The following ELAVL2 variants were observed in gnomAD, a reference collection of about 807,000 sequenced individuals.
ELAVL2 encodes the protein ELAV like RNA binding protein 2.
A neutral mutation model predicts 34.6 loss-of-function variants in ELAVL2; 4 were observed. The ratio of observed to expected loss-of-function variants is 0.12; its 90% confidence interval spans 0.06 to 0.26. The LOEUF is 0.26. ELAVL2 is among the 10% of genes least tolerant of loss of function. The pLI is 1.00. For missense variants in ELAVL2, 432 were observed against 442.8 expected, an observed-to-expected ratio of 0.98 and a Z score of 0.22; for synonymous variants, 193 against 154.8, an observed-to-expected ratio of 1.25 and a Z score of -1.83.
At chr9:23,830,624 A>ACACACC (rs34847005), upstream of ELAVL2, among the ~76,000 whole-genome samples, 82 of 124,070 alleles carry the variant, frequency 6.6e-4, 1 homozygote, top group Admixed American at 2.7e-3. Context: ...ACACACACAC[A>ACACACC]CCTTTTTTTT....
At chr9:23,798,655 G>T (rs2061245163) in intron 1 of ELAVL2, among the ~76,000 whole-genome samples, 1 of 152,138 alleles carries the variant, frequency 6.6e-6, no homozygotes, top group Non-Finnish European at 1.5e-5. Flanking sequence ...TGCCTTTGTA[G>T]GGGGTGTGTG....
intron 2 of ELAVL2, among the ~76,000 whole-genome samples, chr9:23,733,154 G>A (rs1181051035): frequency 1.5e-5 from 2 of 137,174 alleles, no homozygotes; most frequent in African/African-American, 5.6e-5. Flanking sequence ...TGACTGCAAT[G>A]GAATCATCTA....
chr9:23,740,369 C>G (rs754400435), intron 2 of ELAVL2, among the ~76,000 whole-genome samples: 3 of 151,678 alleles, frequency 2.0e-5, no homozygotes, highest in Non-Finnish European at 4.4e-5. Flanking sequence ...AGTTAACTTG[C>G]TCAAGGGCAC....
At chr9:23,826,643 CG>C (rs1441276778), upstream of ELAVL2, among the ~76,000 whole-genome samples, 1 of 152,202 alleles carries the variant, frequency 6.6e-6, no homozygotes, top group Admixed American at 6.5e-5. Context: ...CGATATGGCA[CG>C]ATCTCCTTTC....
At chr9:23,790,920 G>C (rs1366515781) in intron 1 of ELAVL2, among the ~76,000 whole-genome samples, 1 of 152,124 alleles carries the variant, frequency 6.6e-6, no homozygotes, top group Non-Finnish European at 1.5e-5. Flanking sequence ...TCTAAGTACA[G>C]AGTGCCTAGA....
At chr9:23,810,086 A>G (rs1296590503) in intron 1 of ELAVL2, among the ~76,000 whole-genome samples, 1 of 152,170 alleles carries the variant, frequency 6.6e-6, no homozygotes, top group Non-Finnish European at 1.5e-5. Flanking sequence ...ATTATCTACT[A>G]CAATGAGCCA....
At chr9:23,701,349 A>T (rs1275606233) in intron 5 of ELAVL2, 30 bp downstream of exon 5, 2 of 1,607,174 alleles carry the variant, frequency 1.2e-6, no homozygotes, top group Admixed American at 1.7e-5. Context: ...TCAGTTTAGT[A>T]GCTGGGCACA....
At chr9:23,797,745 T>C (rs530737204) in intron 1 of ELAVL2, among the ~76,000 whole-genome samples, 2 of 152,048 alleles carry the variant, frequency 1.3e-5, no homozygotes, top group South Asian at 2.1e-4. Context: ...CTGACCAACA[T>C]GGAGAAAACC....
At chr9:23,717,845 A>G (rs540948200) in intron 3 of ELAVL2, among the ~76,000 whole-genome samples, 2 of 152,308 alleles carry the variant, frequency 1.3e-5, no homozygotes, top group South Asian at 2.1e-4. Flanking sequence ...AGCCCACATT[A>G]AGCACTCAAA....
At chr9:23,809,049 TA>T (rs1333921954) in intron 1 of ELAVL2, among the ~76,000 whole-genome samples, 9 of 152,164 alleles carry the variant, frequency 5.9e-5, no homozygotes, top group African/African-American at 2.2e-4. Context: ...TGATGATGAG[TA>T]AAATGCTATT....
chr9:23,711,924 ATATACCCAACAT>A (rs1274127361), intron 3 of ELAVL2, among the ~76,000 whole-genome samples: 1 of 152,186 alleles, frequency 6.6e-6, no homozygotes, highest in Non-Finnish European at 1.5e-5. Context: ...AATCTTTGTC[ATATACCCAACAT>A]TATACGCATT....
At chr9:23,844,243 C>T in the ELAVL2 span, among the ~76,000 whole-genome samples, 3 of 152,020 alleles carry the variant, frequency 2.0e-5, no homozygotes, top group Non-Finnish European at 2.9e-5. Context: ...GTTGACATCT[C>T]TATCTCTTAC....
chr9:23,791,584 G>A (rs899880690), intron 1 of ELAVL2, among the ~76,000 whole-genome samples: 1 of 152,056 alleles, frequency 6.6e-6, no homozygotes, highest in African/African-American at 2.4e-5. Flanking sequence ...GAGGTCATAA[G>A]TGTAAATAAT....
intron 1 of ELAVL2, among the ~76,000 whole-genome samples, chr9:23,790,957 G>A (rs12345845): frequency 0.014 from 2,103 of 152,288 alleles, 43 homozygotes; most frequent in African/African-American, 0.048. Context: ...GACACCAGCA[G>A]ACATTCTGTG....
intron 1 of ELAVL2, among the ~76,000 whole-genome samples, chr9:23,809,787 T>C (rs1362453717): frequency 1.3e-5 from 2 of 152,190 alleles, no homozygotes; most frequent in Non-Finnish European, 2.9e-5. Flanking sequence ...AAAGGTCATT[T>C]TGAATCTGTA....
intron 3 of ELAVL2, among the ~76,000 whole-genome samples, chr9:23,720,249 A>G (rs1587676499): frequency 6.7e-6 from 1 of 150,278 alleles, no homozygotes; most frequent in Admixed American, 6.6e-5. Flanking sequence ...CTCGGCTCAC[A>G]GCAACCTCCG....
intron 1 of ELAVL2, among the ~76,000 whole-genome samples, chr9:23,812,496 C>T (rs1411594127): frequency 6.6e-6 from 1 of 151,866 alleles, no homozygotes; most frequent in East Asian, 1.9e-4. Flanking sequence ...TATTCAATTC[C>T]CCACCCCAAC....
chr9:23,697,606 C>T (rs1023524594), intron 5 of ELAVL2, among the ~76,000 whole-genome samples: 2 of 152,058 alleles, frequency 1.3e-5, no homozygotes, highest in African/African-American at 4.8e-5. Flanking sequence ...TTTCTATCAA[C>T]AGGACCAAAG....
At chr9:23,738,587 A>T (rs1000180558) in intron 2 of ELAVL2, among the ~76,000 whole-genome samples, 4 of 152,150 alleles carry the variant, frequency 2.6e-5, no homozygotes, top group Non-Finnish European at 5.9e-5. Context: ...CATAATACAG[A>T]AAACAGATGG....
Sources: gnomAD v4.1 joint callset for allele counts (sites outside exome capture counted in the v4.1 genomes callset) on GRCh38, gnomAD v4.1.1 for gene constraint, MANE v1.5 for transcripts, NCBI Gene and HGNC (gene_info 2026-07-23, HGNC 2026-07-21) for gene names.